Variants in ANKS1A observed in about 807,000 individuals in gnomAD.
ANKS1A encodes the protein ankyrin repeat and sterile alpha motif domain containing 1A.
In ANKS1A, 55 loss-of-function variants were observed where a neutral mutation model predicts 120.3. That is an observed-to-expected ratio of 0.46 (90% CI 0.37 to 0.57). The LOEUF is 0.57. Among genes scored for constraint, ANKS1A ranks in the 20% least tolerant of loss-of-function variants. The probability of loss-of-function intolerance (pLI) is 0.00; values close to 1 mark genes in which losing one functional copy is unlikely to be tolerated. For missense variants in ANKS1A, 1,123 were observed against 1,480.3 expected, an observed-to-expected ratio of 0.76 and a Z score of 3.96; for synonymous variants, 590 against 604.7, an observed-to-expected ratio of 0.98 and a Z score of 0.36.
chr6:34,980,169 G>C (rs1771829347), intron 3 of ANKS1A, among the ~76,000 whole-genome samples: 1 of 152,238 alleles, frequency 6.6e-6, no homozygotes, highest in Admixed American at 6.5e-5. Context: ...TATCATAGGA[G>C]GCCATGGCTG....
At chr6:34,897,661 C>G (rs1767156683) in intron 1 of ANKS1A, among the ~76,000 whole-genome samples, 1 of 152,184 alleles carries the variant, frequency 6.6e-6, no homozygotes, top group Non-Finnish European at 1.5e-5. Flanking sequence ...CATAGAACAT[C>G]TTCACATAAC....
intron 13 of ANKS1A, among the ~76,000 whole-genome samples, chr6:35,070,024 CAAAAAA>C (rs10667602): frequency 2.1e-5 from 2 of 95,524 alleles, no homozygotes; most frequent in African/African-American, 4.1e-5. Flanking sequence ...AAGACTCTGT[CAAAAAA>C]AAAAAAAAAA....
intron 11 of ANKS1A, among the ~76,000 whole-genome samples, chr6:35,046,289 A>G (rs1219972367): frequency 6.6e-6 from 1 of 152,092 alleles, no homozygotes; most frequent in Non-Finnish European, 1.5e-5. Flanking sequence ...AGAGCCCTTC[A>G]CCCAGAAGGC....
chr6:35,033,570 G>A (rs1029781700), intron 11 of ANKS1A, among the ~76,000 whole-genome samples: 3 of 152,190 alleles, frequency 2.0e-5, no homozygotes, highest in Non-Finnish European at 4.4e-5. Context: ...AGATAACGCT[G>A]TTTCTCTGTA....
chr6:35,093,546 T>G (rs1778372900), downstream of ANKS1A, among the ~76,000 whole-genome samples: 3 of 152,012 alleles, frequency 2.0e-5, no homozygotes, highest in Admixed American at 2.0e-4. Context: ...AATGCACCTT[T>G]GAGAAAAAGA....
chr6:34,916,535 A>C (rs1372494950), intron 1 of ANKS1A, among the ~76,000 whole-genome samples: 1 of 152,218 alleles, frequency 6.6e-6, no homozygotes, highest in African/African-American at 2.4e-5. Context: ...TGATTCAGAG[A>C]GGAACATAGG....
At chr6:34,960,710 G>T (rs1770590912) in intron 1 of ANKS1A, among the ~76,000 whole-genome samples, 1 of 152,202 alleles carries the variant, frequency 6.6e-6, no homozygotes, top group East Asian at 1.9e-4. Context: ...TGCCGCCGAG[G>T]TGCATAGGGC....
chr6:34,903,644 C>T (rs559133390), intron 1 of ANKS1A, among the ~76,000 whole-genome samples: 1 of 152,024 alleles, frequency 6.6e-6, no homozygotes, highest in Non-Finnish European at 1.5e-5. Flanking sequence ...ACTACAGGCA[C>T]GTGCCCTCAT....
At chr6:34,972,910 G>T (rs181599494) in intron 3 of ANKS1A, among the ~76,000 whole-genome samples, 8 of 152,286 alleles carry the variant, frequency 5.3e-5, no homozygotes, top group Admixed American at 3.9e-4. Flanking sequence ...TGGGGAAATA[G>T]AAAGGACCAT....
At chr6:35,074,805 G>A (rs966356567) in intron 13 of ANKS1A, among the ~76,000 whole-genome samples, 3 of 152,180 alleles carry the variant, frequency 2.0e-5, no homozygotes, top group African/African-American at 4.8e-5. Context: ...CTCTTCACCT[G>A]GGCTCTCTGA....
At chr6:35,046,715 C>T (rs1054106970) in intron 11 of ANKS1A, among the ~76,000 whole-genome samples, 2 of 152,164 alleles carry the variant, frequency 1.3e-5, no homozygotes, top group Non-Finnish European at 2.9e-5. Context: ...AACACTTTAA[C>T]GTGTATATGA....
At chr6:35,025,251 T>TACAC (rs3840543) in intron 11 of ANKS1A, among the ~76,000 whole-genome samples, 23 of 148,576 alleles carry the variant, frequency 1.5e-4, no homozygotes, top group African/African-American at 4.2e-4. Context: ...TATATGTGTA[T>TACAC]ACACACACAC....
chr6:35,083,502 A>G lies in ANKS1A; in HGVS notation c.2993A>G (p.Lys998Arg). 6.2e-7 allele frequency: 1 copy of G among 1,613,922 alleles called. No individual in the cohort carries two copies. The highest frequency in any genetic ancestry group is 8.5e-7 in the Non-Finnish European group (1 of 1,179,856). The change falls in exon 20 of 24, where the codon AAG becomes AGG. Residue 998 changes from lysine to arginine, a missense_variant and splice_region_variant. Around this residue, in one of 3 missense-constraint regions of ANKS1A, gnomAD observed 904 missense variants for 1,130.4 expected, o/e 0.80. Coordinates refer to ENST00000360359, the MANE Select transcript of ANKS1A (RefSeq NM_015245.3). ...KGVKFIDASN[K>R]NVIAEHEIRN... ...GTCAAGTTCATCGATGCCTCCAACA[A>G]GGTGTGCTGCTTACAGGGACTCTTG...
At chr6:34,976,426 G>A (rs1051976866) in intron 3 of ANKS1A, among the ~76,000 whole-genome samples, 2 of 152,094 alleles carry the variant, frequency 1.3e-5, no homozygotes, top group African/African-American at 4.8e-5. Flanking sequence ...GCAGAACCAT[G>A]AAAATTGCGC....
At chr6:34,983,851 G>A (rs1045020224) in intron 7 of ANKS1A, among the ~76,000 whole-genome samples, 2 of 150,606 alleles carry the variant, frequency 1.3e-5, no homozygotes, top group East Asian at 1.9e-4. Flanking sequence ...GAGTGCAGTG[G>A]TGTGATCTCG....
chr6:35,095,423 G>A (rs181519551), downstream of ANKS1A, among the ~76,000 whole-genome samples: 328 of 151,810 alleles, frequency 2.2e-3, 2 homozygotes, highest in Non-Finnish European at 1.7e-3. Context: ...CAGACATGGC[G>A]GTGCATGCCT....
At chr6:35,077,008 A>C (rs2082996422) in intron 13 of ANKS1A, among the ~76,000 whole-genome samples, 2 of 152,152 alleles carry the variant, frequency 1.3e-5, no homozygotes, top group African/African-American at 4.8e-5. Context: ...TGCTAGATAG[A>C]TAAAACGTGG....
At position 35,040,556 on chromosome 6, in the gene ANKS1A, C is replaced by T. The variant is rs568834075; in HGVS notation, c.2011-13543C>T. Among the ~76,000 whole-genome samples the T allele has an allele frequency of 5.9e-4, 90 of 152,346 alleles. No individual in the cohort carries two copies. In the Middle Eastern group the frequency reaches 0.01, roughly 17 times the overall value. On this transcript the variant is annotated intron_variant, in intron 11 of 23. Transcript: ENST00000360359. Reference sequence around the variant, plus strand: ...CTGTTTATTTTCAGCTATGTAGAAGCATATTTGAGATTCTGATGCTTGTGC... The same window carrying T: ...CTGTTTATTTTCAGCTATGTAGAAGTATATTTGAGATTCTGATGCTTGTGC...
chr6:34,965,861 C>T (rs1288606007), intron 1 of ANKS1A, among the ~76,000 whole-genome samples: 2 of 151,932 alleles, frequency 1.3e-5, no homozygotes, highest in Non-Finnish European at 2.9e-5. Context: ...ATTCTTCTGC[C>T]TCATCCTCCC....
Sources: gnomAD v4.1 joint callset for allele counts (sites outside exome capture counted in the v4.1 genomes callset) on GRCh38, gnomAD v4.1.1 for gene constraint, gnomAD v4.1.1 regional missense constraint, MANE v1.5 for transcripts, NCBI Gene and HGNC (gene_info 2026-07-23, HGNC 2026-07-21) for gene names.